FBN1: variants seen among roughly 807,000 people sequenced by gnomAD.
The protein encoded by FBN1 is fibrillin-1.
Under a neutral mutation model 365.1 loss-of-function variants are expected in FBN1, and 29 were observed. That is an observed-to-expected ratio of 0.08 (90% confidence interval 0.06 to 0.11). FBN1 has a LOEUF of 0.11. Among genes scored for constraint, FBN1 ranks in the 10% least tolerant of loss-of-function variants. The pLI is 1.00. For missense variants in FBN1, 2,476 were observed against 3,703.2 expected (o/e 0.67, Z 8.60); for synonymous variants, 1,210 against 1,270.5 (o/e 0.95, Z 1.01).
At chr15:48,618,221 G>A (rs141007888) in intron 2 of FBN1, among the ~76,000 whole-genome samples, 2 of 152,036 alleles carry the variant, frequency 1.3e-5, no homozygotes, top group East Asian at 1.9e-4. Context: ...ACTGTTCCAA[G>A]GTTAAAATAA....
At chr15:48,428,158 G>T in intron 57 of FBN1, 188 bp downstream of exon 57, 2 of 741,042 alleles carry the variant, frequency 2.7e-6, no homozygotes, top group Non-Finnish European at 4.5e-6. Context: ...AGCAAAGGAA[G>T]AATTTAGCTG....
Position 48,632,539 on chromosome 15 carries a change from C to T in FBN1, c.164+12067G>A, listed in dbSNP as rs74014656. Among the ~76,000 whole-genome samples, 1,024 of 152,284 alleles carry T rather than the reference C, an allele frequency of 6.7e-3. 11 individuals carry two copies. The highest frequency in any genetic ancestry group is 0.023 in the African/African-American group (970 of 41,560). ...GGTCAAATCACTCGTCTGAGGTTTC[C>T]TCCTAGAAGGTGGTGGAGCCAGGGT... On this transcript the variant is annotated intron_variant, in intron 2 of 65. Coordinates refer to ENST00000316623, the MANE Select transcript of FBN1 (RefSeq NM_000138.5).
At chr15:48,513,481 A>C in intron 13 of FBN1, 68 bp downstream of exon 13, 2 of 1,611,552 alleles carry the variant, frequency 1.2e-6, no homozygotes, top group Non-Finnish European at 1.7e-6. Context: ...ACTCCATGGA[A>C]CTCCTTTGAA....
chr15:48,431,956 A>G (rs2043025583), intron 55 of FBN1, among the ~76,000 whole-genome samples: 1 of 152,152 alleles, frequency 6.6e-6, no homozygotes, highest in Non-Finnish European at 1.5e-5. Context: ...TGCCTGGCCA[A>G]TATGACATTA....
intron 10 of FBN1, among the ~76,000 whole-genome samples, chr15:48,519,240 T>C (rs1055192193): frequency 6.6e-6 from 1 of 152,224 alleles, no homozygotes; most frequent in African/African-American, 2.4e-5. Context: ...TGTTTATTTA[T>C]GTATTAGTAT....
rs1051713896 is a variant in FBN1, at chr15:48,591,321, T to C, written c.538+4962A>G. Among the ~76,000 whole-genome samples the C allele has an allele frequency of 1.1e-4, 17 of 152,002 alleles. 1 individual carries two copies. The highest frequency in any genetic ancestry group is 3.9e-4 in the Admixed American group (6 of 15,262). On this transcript the variant is annotated intron_variant, in intron 6 of 65. Coordinates refer to ENST00000316623, the MANE Select transcript of FBN1 (RefSeq NM_000138.5). ...AAAGGGAAAAAAAAAAATCACACAC[T>C]GATTTGAATGTATTGCTGATTCTGT...
chr15:48,525,415 C>A (rs1358125327), intron 9 of FBN1, among the ~76,000 whole-genome samples: 2 of 152,118 alleles, frequency 1.3e-5, no homozygotes, highest in Admixed American at 6.5e-5. Context: ...AACAATAGAA[C>A]CCCTGATTTA....
chr15:48,453,990 C>T (rs1397768641), intron 44 of FBN1, among the ~76,000 whole-genome samples: 1 of 152,146 alleles, frequency 6.6e-6, no homozygotes, highest in African/African-American at 2.4e-5. Context: ...CTGCTAGGGC[C>T]AGCACTTGAC....
intron 2 of FBN1, among the ~76,000 whole-genome samples, chr15:48,629,935 G>T (rs1445600314): frequency 6.6e-6 from 1 of 152,152 alleles, no homozygotes; most frequent in East Asian, 1.9e-4. Flanking sequence ...AGAGGGAGGG[G>T]ACCCCCATTA....
At chr15:48,510,842 C>G (rs1029229863) in intron 13 of FBN1, among the ~76,000 whole-genome samples, 8 of 152,154 alleles carry the variant, frequency 5.3e-5, no homozygotes, top group African/African-American at 1.9e-4. Context: ...ATAACAATAA[C>G]TGAAACAACC....
rs1034349142 is a variant in FBN1, at chr15:48,409,105, T to C, written c.*1885A>G. Reference sequence around the variant, plus strand: ...CACCTATTATAAACAAAATTAGAGATACAAAAATACCTTTAAGATGTTAAT... The same window carrying C: ...CACCTATTATAAACAAAATTAGAGACACAAAAATACCTTTAAGATGTTAAT... On this transcript the variant is annotated 3_prime_UTR_variant, in exon 66 of 66. Coordinates refer to ENST00000316623, the MANE Select transcript of FBN1 (RefSeq NM_000138.5). 2 of 152,198 alleles carry C rather than the reference T, an allele frequency of 1.3e-5. No homozygotes were observed. Among genetic ancestry groups the C allele is most frequent in the African/African-American group, 2.4e-5 (1 of 41,446 alleles). 9.4% of individuals were successfully genotyped at this position (152,198 alleles called of 1,614,324 possible). A position where few individuals can be genotyped will look rare whatever the true frequency, so the allele number is the denominator to read the frequency against.
intron 45 of FBN1, among the ~76,000 whole-genome samples, 158 bp from the exon 46 acceptor site, chr15:48,449,051 C>G (rs2043180702): frequency 6.6e-6 from 1 of 152,104 alleles, no homozygotes; most frequent in Non-Finnish European, 1.5e-5. Context: ...AACTTACTCT[C>G]ATTTACCAGG....
intron 6 of FBN1, among the ~76,000 whole-genome samples, chr15:48,538,162 T>A (rs1260746060): frequency 6.6e-6 from 1 of 152,242 alleles, no homozygotes; most frequent in East Asian, 1.9e-4. Flanking sequence ...GTGCCTACAC[T>A]GAATCAGCTC....
chr15:48,515,547 C>T lies in FBN1; in HGVS notation c.1328-20G>A. The T allele has an allele frequency of 6.2e-7, 1 of 1,613,594 alleles. No homozygotes were observed. The highest frequency in any genetic ancestry group is 8.5e-7 in the Non-Finnish European group (1 of 1,179,680). On this transcript the variant is annotated intron_variant, in intron 11 of 65. Coordinates refer to ENST00000316623, the MANE Select transcript of FBN1 (RefSeq NM_000138.5). ...GCACCCCTAGAAGAACATTAAGCCCCATTAAAATTATTTTAACTATGGTAT... is the reference window on the plus strand; with the variant it reads ...GCACCCCTAGAAGAACATTAAGCCCTATTAAAATTATTTTAACTATGGTAT...
chr15:48,460,969 T>C (rs924224867), intron 42 of FBN1, among the ~76,000 whole-genome samples: 1 of 152,220 alleles, frequency 6.6e-6, no homozygotes, highest in Non-Finnish European at 1.5e-5. Flanking sequence ...CCCTTCTAAC[T>C]GTGAGATTTT....
At chr15:48,624,566 T>G (rs1889837676) in intron 2 of FBN1, among the ~76,000 whole-genome samples, 1 of 152,222 alleles carries the variant, frequency 6.6e-6, no homozygotes, top group African/African-American at 2.4e-5. Context: ...AAATCCAGCT[T>G]ATCTCAAATG....
intron 2 of FBN1, among the ~76,000 whole-genome samples, chr15:48,624,033 A>G (rs550476975): frequency 6.6e-5 from 10 of 152,080 alleles, no homozygotes; most frequent in Admixed American, 2.6e-4. Context: ...GAAAGCTGAA[A>G]AGGCAGTTCC....
intron 41 of FBN1, among the ~76,000 whole-genome samples, chr15:48,463,529 G>C (rs1474797877): frequency 2.0e-5 from 3 of 152,198 alleles, no homozygotes; most frequent in African/African-American, 7.2e-5. Context: ...CAGTCTCCTA[G>C]TAACAATTCC....
chr15:48,520,529 C>T (rs748496947), intron 10 of FBN1, 130 bp downstream of exon 10: 34 of 1,060,286 alleles, frequency 3.2e-5, no homozygotes, highest in East Asian at 7.8e-5. Context: ...TTTCCCTGGA[C>T]GTCATCTCTT....
Sources: gnomAD v4.1 joint callset for allele counts (sites outside exome capture counted in the v4.1 genomes callset) on GRCh38, gnomAD v4.1.1 for gene constraint, MANE v1.5 for transcripts, NCBI Gene and HGNC (gene_info 2026-07-23, HGNC 2026-07-21) for gene names.